Variants in CNGA3 observed in about 807,000 individuals in gnomAD.
CNGA3 encodes the protein cyclic nucleotide-gated channel alpha-3.
A neutral mutation model predicts 46.6 loss-of-function variants in CNGA3; 42 were observed. That is an observed-to-expected ratio of 0.90 (90% CI 0.70 to 1.17). CNGA3 has a LOEUF of 1.17. CNGA3 is among the 50% of genes most tolerant of loss of function. The pLI is 0.00. For missense variants in CNGA3, 893 were observed against 890.7 expected (o/e 1.00, Z -0.03); for synonymous variants, 394 against 369.4 (o/e 1.07, Z -0.76).
At position 98,398,469 on chromosome 2, in the gene CNGA3, CT is replaced by C. The variant is rs919833954; in HGVS notation, c.*1216del. The C allele has an allele frequency of 6.6e-6, 1 of 151,174 alleles. No individual in the cohort carries two copies. The allele number at this position is 151,174 out of a possible 1,614,324, so 9.4% of individuals were successfully genotyped here. ...TTCTTCTTCCTTTCCTTTTTTCTTT[CT>C]TCTTCCTTCTTTCTTCCTTTTTCTC... On this transcript the variant is annotated 3_prime_UTR_variant, in exon 8 of 8. Transcript: ENST00000272602.
At chr2:98,355,378 A>G (rs142647797) in intron 1 of CNGA3, among the ~76,000 whole-genome samples, 5 of 152,250 alleles carry the variant, frequency 3.3e-5, no homozygotes, top group Admixed American at 1.3e-4. Flanking sequence ...TTTTTTCCAC[A>G]TAGGTTCACA....
intron 7 of CNGA3, among the ~76,000 whole-genome samples, chr2:98,392,243 G>A (rs1692807309): frequency 6.6e-6 from 1 of 152,192 alleles, no homozygotes; most frequent in Non-Finnish European, 1.5e-5. Flanking sequence ...GTCTCTCTGG[G>A]CCTTGTTCTT....
At chr2:98,379,064 G>A (rs575690379) in intron 3 of CNGA3, among the ~76,000 whole-genome samples, 3 of 152,352 alleles carry the variant, frequency 2.0e-5, no homozygotes, top group African/African-American at 7.2e-5. Flanking sequence ...ATTGTCTGAG[G>A]CTGGAGGAGG....
At chr2:98,357,552 T>C (rs572218961) in intron 1 of CNGA3, among the ~76,000 whole-genome samples, 244 of 152,284 alleles carry the variant, frequency 1.6e-3, no homozygotes, top group Non-Finnish European at 2.3e-3. Context: ...CCCATGCAAA[T>C]GTTGTGCTCT....
At chr2:98,387,333 C>A (rs1242726957) in intron 5 of CNGA3, among the ~76,000 whole-genome samples, 1 of 152,130 alleles carries the variant, frequency 6.6e-6, no homozygotes, top group African/African-American at 2.4e-5. Flanking sequence ...GTGAATGGAT[C>A]TTTTTCAATG....
chr2:98,382,680 C>T (rs1692566010), intron 4 of CNGA3, among the ~76,000 whole-genome samples: 1 of 152,176 alleles, frequency 6.6e-6, no homozygotes, highest in Non-Finnish European at 1.5e-5. Flanking sequence ...AGAGATAATA[C>T]CTTTTCCTAT....
Position 98,396,612 on chromosome 2 carries a change from G to C in CNGA3, c.1442G>C (p.Arg481Pro). 6.2e-7 allele frequency: 1 copy of C among 1,613,990 alleles called. No individual in the cohort carries two copies. The highest frequency in any genetic ancestry group is 1.6e-4 in the Middle Eastern group (1 of 6,062). Reference sequence around the variant, plus strand: ...CACCTGGACACGCTGAAGAAGGTTCGCATCTTCCAGGACTGTGAGGCAGGG... The same window carrying C: ...CACCTGGACACGCTGAAGAAGGTTCCCATCTTCCAGGACTGTGAGGCAGGG... ...NVHLDTLKKV[R>P]IFQDCEAGLL... Residue 481 changes from arginine (R) to proline (P), a missense_variant, in exon 8 of 8, where the codon CGC (arginine) becomes CCC (proline). This residue lies in a region of CNGA3 where 548 missense variants were observed against 570.8 expected (regional missense o/e 0.96). Transcript: ENST00000272602.
At chr2:98,361,704 C>CTTTT (rs1230449113) in intron 1 of CNGA3, among the ~76,000 whole-genome samples, 4 of 108,912 alleles carry the variant, frequency 3.7e-5, no homozygotes, top group Admixed American at 1.0e-4. Flanking sequence ...CTTTTCTTGA[C>CTTTT]TTTTTTTTTT....
chr2:98,366,959 A>G (rs1692167870), intron 1 of CNGA3, among the ~76,000 whole-genome samples: 1 of 152,054 alleles, frequency 6.6e-6, no homozygotes, highest in South Asian at 2.1e-4. Flanking sequence ...GTAGGGTAGC[A>G]CAATCACTCA....
intron 7 of CNGA3, among the ~76,000 whole-genome samples, 184 bp from the exon 8 acceptor site, chr2:98,395,660 T>C (rs1692893170): frequency 6.6e-6 from 1 of 152,194 alleles, no homozygotes; most frequent in Non-Finnish European, 1.5e-5. Flanking sequence ...GATTAGAACC[T>C]CATAGAATAG....
chr2:98,379,647 G>C (rs1301698851), intron 3 of CNGA3, among the ~76,000 whole-genome samples: 1 of 152,206 alleles, frequency 6.6e-6, no homozygotes, highest in Non-Finnish European at 1.5e-5. Flanking sequence ...ACACCAATAA[G>C]ATAAAAGCTG....
intron 1 of CNGA3, among the ~76,000 whole-genome samples, chr2:98,360,014 C>T (rs959007086): frequency 7.2e-5 from 11 of 152,196 alleles, no homozygotes; most frequent in African/African-American, 2.2e-4. Context: ...GGAGGAGGGC[C>T]AGCATGGGGT....
intron 1 of CNGA3, among the ~76,000 whole-genome samples, chr2:98,347,534 C>CG (rs1053607691): frequency 1.5e-4 from 23 of 152,306 alleles, no homozygotes; most frequent in Admixed American, 1.4e-3. Flanking sequence ...CCCTCTGCAG[C>CG]GGGGGTCTCC....
intron 1 of CNGA3, among the ~76,000 whole-genome samples, chr2:98,361,747 G>A (rs56753660): frequency 0.21 from 27,731 of 135,208 alleles, 3,066 homozygotes; most frequent in Middle Eastern, 0.26. Context: ...TTGCTCTGTC[G>A]CCCAGGCTGG....
intron 1 of CNGA3, among the ~76,000 whole-genome samples, chr2:98,367,257 C>T (rs1373233574): frequency 1.3e-5 from 2 of 148,998 alleles, no homozygotes; most frequent in African/African-American, 2.5e-5. Flanking sequence ...TGCAGTGGCG[C>T]GATCTCGGCT....
At position 98,395,866 on chromosome 2, in the gene CNGA3, G is replaced by C. The variant is rs1019772113; in HGVS notation, c.696G>C (p.Met232Ile). The change falls in exon 8 of 8, where the codon ATG becomes ATC. Residue 232 changes from methionine (M) to isoleucine (I), a missense_variant. Met to Ile is a conservative substitution (Grantham distance 10). This residue lies in a region of CNGA3 where 12 missense variants were observed against 29.1 expected (regional missense o/e 0.41). Transcript: ENST00000272602. ...TAGGTTTTCTCGAGCAAGGCTTAAT[G>C]GTCAGTGATACCAACAGGCTGTGGC... ...ARTGFLEQGL[M>I]VSDTNRLWQH... 6.2e-7 allele frequency: 1 copy of C among 1,614,044 alleles called. No homozygotes were observed. Among genetic ancestry groups the C allele is most frequent in the Non-Finnish European group, 8.5e-7 (1 of 1,180,048 alleles).
intron 1 of CNGA3, among the ~76,000 whole-genome samples, chr2:98,354,321 G>C (rs192772735): frequency 1.3e-5 from 2 of 152,176 alleles, no homozygotes; most frequent in Admixed American, 1.3e-4. Flanking sequence ...GTAAGTCATT[G>C]TGCTTTTGAT....
chr2:98,377,094 A>G (rs934330074), intron 2 of CNGA3, among the ~76,000 whole-genome samples: 1 of 152,160 alleles, frequency 6.6e-6, no homozygotes, highest in African/African-American at 2.4e-5. Flanking sequence ...CACTGTACAA[A>G]TTATTTGAAC....
At chr2:98,363,738 C>T (rs985859217) in intron 1 of CNGA3, among the ~76,000 whole-genome samples, 2 of 152,088 alleles carry the variant, frequency 1.3e-5, no homozygotes, top group Non-Finnish European at 2.9e-5. Flanking sequence ...TTCCTATGTA[C>T]ATTCCTAGTA....
Sources: allele counts gnomAD v4.1 joint callset (sites outside exome capture counted in the v4.1 genomes callset), GRCh38; gene constraint gnomAD v4.1.1; regional missense constraint gnomAD v4.1.1; transcripts MANE v1.5; gene names NCBI Gene and HGNC (gene_info 2026-07-23, HGNC 2026-07-21).